CRACD: variants seen among roughly 807,000 people sequenced by gnomAD.
The protein encoded by CRACD is capping protein inhibiting regulator of actin dynamics, also known as capping protein-inhibiting regulator of actin dynamics.
Under a neutral mutation model 106.8 loss-of-function variants are expected in CRACD, and 56 were observed. That is an observed-to-expected ratio of 0.52 (90% CI 0.42 to 0.66). The LOEUF (loss-of-function observed/expected upper bound fraction) is 0.66, where lower values mean the gene tolerates loss of function less well. CRACD is among the 30% of genes least tolerant of loss of function. The pLI is 0.00. For missense variants in CRACD, 1,730 were observed against 1,623.2 expected (o/e 1.07, Z -1.13); for synonymous variants, 754 against 670.8 (o/e 1.12, Z -1.92).
chr4:56,060,240 G>A (rs182351683), intron 1 of CRACD, among the ~76,000 whole-genome samples: 11 of 152,086 alleles, frequency 7.2e-5, no homozygotes, highest in African/African-American at 2.4e-4. Flanking sequence ...TACTCCAGCT[G>A]TTCATGCCAG....
At position 56,315,255 on chromosome 4, in the gene CRACD, C is replaced by G; in HGVS notation, c.1753C>G (p.Leu585Val). The change falls in exon 8 of 11, where the codon CTA (leucine) becomes GTA (valine). Residue 585 changes from leucine (L) to valine (V), a missense_variant. Around this residue, in one of 5 missense-constraint regions of CRACD, gnomAD observed 1,620 missense variants for 1,481.6 expected, o/e 1.09. Transcript: ENST00000682029. The surrounding 1 kb of genome is among the most constrained non-coding windows in gnomAD (Gnocchi z 4.1). ...CAAAGCCAGCCCAGTCCAGCACGCC[C>G]TACCGTCGTCCCTGAGCGTTCCCCA... is the stretch of plus-strand genomic sequence containing the variant. ...APKASPVQHA[L>V]PSSLSVPHTA... 6 of 1,607,162 alleles carry G rather than the reference C, an allele frequency of 3.7e-6. No individual in the cohort carries two copies. The South Asian group carries it at 4.5e-5, about 12-fold the overall frequency.
chr4:56,310,810 TGCGACC>T (rs1745114590), intron 6 of CRACD, 76 bp downstream of exon 6: 1 of 636,292 alleles, frequency 1.6e-6, no homozygotes, highest in African/African-American at 2.0e-5. Context: ...TTTTTTTTTT[TGCGACC>T]TGCTGCCTCA....
At chr4:56,095,813 G>GTCTC in intron 1 of CRACD, among the ~76,000 whole-genome samples, 1 of 152,310 alleles carries the variant, frequency 6.6e-6, no homozygotes, top group East Asian at 1.9e-4. Context: ...GGGGTGGGGA[G>GTCTC]ACCAGGTAGG....
intron 1 of CRACD, among the ~76,000 whole-genome samples, chr4:56,075,829 C>G (rs898095491): frequency 1.8e-4 from 27 of 152,158 alleles, no homozygotes; most frequent in African/African-American, 6.3e-4. Context: ...CTTTTAATGG[C>G]TGAATAATAC....
At chr4:56,070,036 T>C (rs1732585262) in intron 1 of CRACD, among the ~76,000 whole-genome samples, 1 of 152,224 alleles carries the variant, frequency 6.6e-6, no homozygotes, top group Non-Finnish European at 1.5e-5. Context: ...GAGAGTCAGA[T>C]GTTTTGGAGC....
intron 1 of CRACD, among the ~76,000 whole-genome samples, chr4:56,171,953 G>A (rs930432219): frequency 3.3e-5 from 5 of 151,620 alleles, no homozygotes; most frequent in African/African-American, 1.2e-4. Context: ...GCTGGGGAAG[G>A]CAGGAGATGG....
intron 1 of CRACD, among the ~76,000 whole-genome samples, chr4:56,090,146 T>G (rs1032813250): frequency 6.8e-6 from 1 of 146,312 alleles, no homozygotes; most frequent in African/African-American, 2.5e-5. Context: ...TTATTTTCCT[T>G]TTTTTTAAAA....
rs189361741 is a variant in CRACD, at chr4:56,138,882, T to C, written c.-335-40402T>C. 2.0e-3 allele frequency among the ~76,000 whole-genome samples: 305 copies of C among 152,352 alleles called. 6 individuals are homozygous for C. The highest frequency in any genetic ancestry group is 0.019 in the Admixed American group (297 of 15,304). Reference sequence around the variant, plus strand: ...TTTGATGATTCAAGGTTTCCATCTTTTCCAGAAGAGATCTTCTATTTTCTC... The same window carrying C: ...TTTGATGATTCAAGGTTTCCATCTTCTCCAGAAGAGATCTTCTATTTTCTC... On this transcript the variant is annotated intron_variant, in intron 1 of 10. Transcript: ENST00000682029.
intron 1 of CRACD, among the ~76,000 whole-genome samples, chr4:56,085,507 T>C (rs546905680): frequency 6.6e-6 from 1 of 152,338 alleles, no homozygotes; most frequent in South Asian, 2.1e-4. Context: ...TCTGCCTTAC[T>C]GGGCAGCAGA....
intron 1 of CRACD, among the ~76,000 whole-genome samples, chr4:56,081,833 A>C (rs1382634691): frequency 6.6e-6 from 1 of 151,930 alleles, no homozygotes; most frequent in African/African-American, 2.4e-5. Flanking sequence ...AAAATTAGCC[A>C]GATGTAGTGG....
At chr4:56,150,964 C>T (rs941501685) in intron 1 of CRACD, among the ~76,000 whole-genome samples, 1 of 152,100 alleles carries the variant, frequency 6.6e-6, no homozygotes, top group African/African-American at 2.4e-5. Context: ...TTTTCACTGT[C>T]AACAGCTCTG....
At chr4:56,137,704 T>C (rs761688663) in intron 1 of CRACD, among the ~76,000 whole-genome samples, 21 of 152,212 alleles carry the variant, frequency 1.4e-4, no homozygotes, top group Non-Finnish European at 5.9e-5. Context: ...CATGTTGTTA[T>C]TTCACCAGCA....
At chr4:56,270,255 C>T (rs1293127685) in intron 2 of CRACD, among the ~76,000 whole-genome samples, 1 of 151,404 alleles carries the variant, frequency 6.6e-6, no homozygotes, top group East Asian at 1.9e-4. Context: ...GATGGGGTCT[C>T]ATATTGCCCA....
At chr4:56,230,123 G>T (rs1371933275) in intron 2 of CRACD, among the ~76,000 whole-genome samples, 2 of 152,106 alleles carry the variant, frequency 1.3e-5, no homozygotes, top group Non-Finnish European at 2.9e-5. Flanking sequence ...ATTGCCCTGG[G>T]CAGGAAGAAC....
chr4:56,296,024 C>T (rs764429318), intron 3 of CRACD, among the ~76,000 whole-genome samples: 4 of 152,086 alleles, frequency 2.6e-5, no homozygotes, highest in African/African-American at 7.2e-5. Context: ...TAGCTGAAGA[C>T]GTATGCCTTA....
chr4:56,174,782 TA>T (rs1164316493), intron 1 of CRACD, among the ~76,000 whole-genome samples: 1 of 152,174 alleles, frequency 6.6e-6, no homozygotes, highest in Non-Finnish European at 1.5e-5. Flanking sequence ...CACACTGATA[TA>T]AAGAACTACC....
At chr4:56,175,330 CAT>C (rs1736537436) in intron 1 of CRACD, among the ~76,000 whole-genome samples, 1 of 152,172 alleles carries the variant, frequency 6.6e-6, no homozygotes, top group Non-Finnish European at 1.5e-5. Flanking sequence ...TCCTTGCCAG[CAT>C]ATGTTACTTC....
At chr4:56,084,964 A>G (rs557869794) in intron 1 of CRACD, among the ~76,000 whole-genome samples, 59 of 152,300 alleles carry the variant, frequency 3.9e-4, no homozygotes, top group African/African-American at 1.4e-3. Flanking sequence ...ATTACCAGTG[A>G]AACCATTTTG....
In CRACD at chr4:56,316,095, G is replaced by T; in HGVS notation, c.2593G>T (p.Glu865Ter). The change falls in exon 8 of 11, where the codon GAA (glutamate) becomes TAA (stop). Residue 865 changes from glutamate (E) to a stop codon, truncating the protein, a stop_gained. Coordinates refer to ENST00000682029, the MANE Select transcript of CRACD (RefSeq NM_001393381.1). LOFTEE classifies it high-confidence loss of function. ...SLRFNCDQQA[E>*]QKKKKRHSST... ...GCGCTTCAACTGCGACCAACAGGCAGAACAGAAGAAGAAGAAGAGGCACAG... is the reference window on the plus strand; with the variant it reads ...GCGCTTCAACTGCGACCAACAGGCATAACAGAAGAAGAAGAAGAGGCACAG... The T allele has an allele frequency of 6.2e-7, 1 of 1,614,184 alleles. No homozygotes were observed. The highest frequency in any genetic ancestry group is 1.6e-4 in the Middle Eastern group (1 of 6,062).
Sources: allele counts gnomAD v4.1 joint callset (sites outside exome capture counted in the v4.1 genomes callset), GRCh38; gene constraint gnomAD v4.1.1; regional missense constraint gnomAD v4.1.1; non-coding constraint Gnocchi (gnomAD v3.1); transcripts MANE v1.5; gene names NCBI Gene and HGNC (gene_info 2026-07-23, HGNC 2026-07-21).